The following OR7E24 variants were observed in gnomAD, a reference collection of about 807,000 sequenced individuals.
The protein encoded by OR7E24 is olfactory receptor 7E24.
For missense variants in OR7E24, 385 were observed against 410.3 expected, an observed-to-expected ratio of 0.94 and a Z score of 0.53; for synonymous variants, 130 against 157.5, an observed-to-expected ratio of 0.83 and a Z score of 1.31.
At chr19:9,227,237 C>T in the OR7E24 span, among the ~76,000 whole-genome samples, 1 of 145,330 alleles carries the variant, frequency 6.9e-6, no homozygotes, top group South Asian at 2.2e-4. Context: ...CATTCTTTCT[C>T]TTTTTTTTTT....
upstream of OR7E24, among the ~76,000 whole-genome samples, chr19:9,246,492 G>A (rs1017758399): frequency 6.0e-4 from 91 of 151,688 alleles, no homozygotes; most frequent in African/African-American, 2.1e-3. Context: ...GTGTGTGTGT[G>A]TGTGTGTGTG....
the OR7E24 span, among the ~76,000 whole-genome samples, chr19:9,219,760 A>C: frequency 0.22 from 32,760 of 152,098 alleles, 5,160 homozygotes; most frequent in African/African-American, 0.44. Context: ...CCCTTTGAGT[A>C]GTAAGAAGAT....
the OR7E24 span, among the ~76,000 whole-genome samples, chr19:9,216,027 G>C: frequency 6.6e-6 from 1 of 152,158 alleles, no homozygotes; most frequent in African/African-American, 2.4e-5. Flanking sequence ...GGCAGGCAAA[G>C]AGAGAAAGCT....
the OR7E24 span, among the ~76,000 whole-genome samples, chr19:9,215,955 G>A: frequency 1.3e-5 from 2 of 152,102 alleles, no homozygotes. Context: ...CCACGTGGCT[G>A]GGGAAGCCTT....
upstream of OR7E24, among the ~76,000 whole-genome samples, chr19:9,246,575 C>CA (rs1486454242): frequency 6.6e-6 from 1 of 150,904 alleles, no homozygotes; most frequent in Non-Finnish European, 1.5e-5. Context: ...GCGTTATTCA[C>CA]AATAGCTAAA....
At chr19:9,210,138 A>C in the OR7E24 span, 1 of 152,174 alleles carries the variant, frequency 6.6e-6, no homozygotes, top group Non-Finnish European at 1.5e-5. Flanking sequence ...CTGTCATTTT[A>C]TCATTTGTGC....
At chr19:9,237,345 C>T in the OR7E24 span, among the ~76,000 whole-genome samples, 2 of 151,954 alleles carry the variant, frequency 1.3e-5, no homozygotes, top group Admixed American at 1.3e-4. Context: ...GAGTCTCGCT[C>T]TGTCCCCCAG....
At chr19:9,234,010 T>C in the OR7E24 span, among the ~76,000 whole-genome samples, 4,257 of 151,672 alleles carry the variant, frequency 0.028, 151 homozygotes, top group African/African-American at 0.085. Flanking sequence ...TTCAAGCAAT[T>C]CTCCTGCCTC....
At chr19:9,227,253 C>T in the OR7E24 span, among the ~76,000 whole-genome samples, 1 of 146,858 alleles carries the variant, frequency 6.8e-6, no homozygotes, top group Non-Finnish European at 1.5e-5. Context: ...TTTTTTTTTC[C>T]AGAGTCCTGC....
chr19:9,243,921 TC>T (rs1484222603), upstream of OR7E24, among the ~76,000 whole-genome samples: 17 of 152,264 alleles, frequency 1.1e-4, no homozygotes, highest in Middle Eastern at 6.8e-3. Flanking sequence ...GGCTGCCTCC[TC>T]CCGGGAGAGT....
the OR7E24 span, among the ~76,000 whole-genome samples, chr19:9,227,237 CTTT>C: frequency 6.9e-6 from 1 of 145,376 alleles, no homozygotes; most frequent in African/African-American, 2.5e-5. Context: ...CATTCTTTCT[CTTT>C]TTTTTTTTTT....
chr19:9,234,976 T>TTAAA, the OR7E24 span, among the ~76,000 whole-genome samples: 1 of 152,136 alleles, frequency 6.6e-6, no homozygotes, highest in Non-Finnish European at 1.5e-5. Context: ...TACTGCTAAA[T>TTAAA]TAAAGGTAGT....
At chr19:9,239,437 G>T in the OR7E24 span, among the ~76,000 whole-genome samples, 1 of 152,070 alleles carries the variant, frequency 6.6e-6, no homozygotes, top group African/African-American at 2.4e-5. Context: ...CTCCCAAAGT[G>T]CTGGGATTAC....
the OR7E24 span, chr19:9,214,715 C>T: frequency 6.2e-7 from 1 of 1,613,980 alleles, no homozygotes; most frequent in African/African-American, 1.3e-5. Flanking sequence ...TGAGCAGGTT[C>T]CCCAGCACCG....
the OR7E24 span, among the ~76,000 whole-genome samples, chr19:9,215,114 G>A: frequency 6.6e-6 from 1 of 152,090 alleles, no homozygotes; most frequent in East Asian, 1.9e-4. Context: ...GGAGGACAAG[G>A]TGGGCAGATC....
At chr19:9,214,737 A>C in the OR7E24 span, 2 of 1,614,086 alleles carry the variant, frequency 1.2e-6, no homozygotes, top group Non-Finnish European at 1.7e-6. Flanking sequence ...GACCAGGTAC[A>C]TGGACAGGAA....
At chr19:9,232,012 G>A in the OR7E24 span, among the ~76,000 whole-genome samples, 1 of 152,058 alleles carries the variant, frequency 6.6e-6, no homozygotes, top group Non-Finnish European at 1.5e-5. Context: ...AGCTAGTGAG[G>A]GTAAGAGAGT....
chr19:9,240,460 A>G, the OR7E24 span, among the ~76,000 whole-genome samples: 4 of 152,144 alleles, frequency 2.6e-5, no homozygotes, highest in East Asian at 7.7e-4. Context: ...CAGTTTTCCC[A>G]GCACCATTTA....
At chr19:9,225,086 GA>G in the OR7E24 span, among the ~76,000 whole-genome samples, 1 of 152,080 alleles carries the variant, frequency 6.6e-6, no homozygotes, top group Non-Finnish European at 1.5e-5. Context: ...TATACAAGGA[GA>G]GGGGAGGTCG....
Sources: allele counts gnomAD v4.1 joint callset (sites outside exome capture counted in the v4.1 genomes callset), GRCh38; gene constraint gnomAD v4.1.1; transcripts MANE v1.5; gene names NCBI Gene and HGNC (gene_info 2026-07-23, HGNC 2026-07-21).